The following KCNQ4 variants were observed in gnomAD, a reference collection of about 807,000 sequenced individuals.
KCNQ4 encodes potassium voltage-gated channel subfamily Q member 4, also known as potassium voltage-gated channel subfamily KQT member 4.
A neutral mutation model predicts 72.6 loss-of-function variants in KCNQ4; 31 were observed. That is an observed-to-expected ratio of 0.43 (90% confidence interval 0.32 to 0.58). KCNQ4 has a LOEUF of 0.58. Among genes scored for constraint, KCNQ4 ranks in the 20% least tolerant of loss-of-function variants. KCNQ4 has a pLI of 0.08. For missense variants in KCNQ4, 869 were observed against 962.6 expected, an observed-to-expected ratio of 0.90 and a Z score of 1.29; for synonymous variants, 405 against 403.7, an observed-to-expected ratio of 1.00 and a Z score of -0.04.
intron 9 of KCNQ4, among the ~76,000 whole-genome samples, chr1:40,829,678 G>A (rs568946441): frequency 4.6e-5 from 7 of 152,214 alleles, no homozygotes; most frequent in Admixed American, 2.0e-4. Context: ...TAGGTGACAC[G>A]GTGTCCTCCC....
In KCNQ4 at chr1:40,818,910, C is replaced by T. The variant is rs1014965875; in HGVS notation, c.708+230C>T. On this transcript the variant is annotated intron_variant, in intron 4 of 13. Coordinates refer to ENST00000347132, the MANE Select transcript of KCNQ4 (RefSeq NM_004700.4). ...TCCGGACCGGATCAGGGGGCGGGGC[C>T]GGAGAGGCGGGGCTTGAGGGTTTCC... 3.1e-5 allele frequency: 19 copies of T among 615,010 alleles called. No individual in the cohort carries two copies. The East Asian group carries it at 5.0e-4, about 16-fold the overall frequency. The allele number at this position is 615,010 out of a possible 1,614,324, so 38.1% of individuals were successfully genotyped here.
Position 40,838,629 on chromosome 1 carries a change from C to A in KCNQ4, c.*106C>A. ...TCTCGTACTTGAACTCACTCCCTCA[C>A]GGGGAGAGAGACCACACGCAGTATT... On this transcript the variant is annotated 3_prime_UTR_variant, in exon 14 of 14. Transcript: ENST00000347132. The A allele has an allele frequency of 1.9e-6, 2 of 1,066,118 alleles. No individual in the cohort carries two copies. Among genetic ancestry groups the A allele is most frequent in the African/African-American group, 1.6e-5 (1 of 63,712 alleles). The allele number at this position is 1,066,118 out of a possible 1,614,324, so 66.0% of individuals were successfully genotyped here.
chr1:40,795,117 C>A (rs1446211078), intron 1 of KCNQ4, among the ~76,000 whole-genome samples: 2 of 152,192 alleles, frequency 1.3e-5, no homozygotes, highest in Non-Finnish European at 2.9e-5. Flanking sequence ...GACCCAACCT[C>A]TCTGAGGCAC....
At chr1:40,816,237 TC>T (rs1648082465) in intron 1 of KCNQ4, among the ~76,000 whole-genome samples, 2 of 152,072 alleles carry the variant, frequency 1.3e-5, no homozygotes, top group South Asian at 2.1e-4. Context: ...CTCCGGAGTC[TC>T]CTCCAGGGTG....
chr1:40,835,126 A>G, intron 12 of KCNQ4, 28 bp downstream of exon 12: 1 of 1,607,428 alleles, frequency 6.2e-7, no homozygotes, highest in African/African-American at 1.3e-5. Context: ...GTTGGGAGGC[A>G]GGGGCAGGGA....
At chr1:40,807,983 G>A (rs1440034102) in intron 1 of KCNQ4, among the ~76,000 whole-genome samples, 1 of 151,586 alleles carries the variant, frequency 6.6e-6, no homozygotes, top group African/African-American at 2.4e-5. Context: ...AGCCAGGTGT[G>A]GTGGTCCCGG....
At chr1:40,810,381 T>C (rs1269138874) in intron 1 of KCNQ4, among the ~76,000 whole-genome samples, 1 of 152,226 alleles carries the variant, frequency 6.6e-6, no homozygotes, top group Non-Finnish European at 1.5e-5. Context: ...TTGAGTACAC[T>C]GTCATGGCCT....
chr1:40,835,688 C>G lies in KCNQ4; in HGVS notation c.1745+590C>G, dbSNP rs201160239. Among the ~76,000 whole-genome samples, 5 of 152,342 alleles carry G rather than the reference C, an allele frequency of 3.3e-5. No homozygotes were observed. The East Asian group carries it at 9.6e-4, about 29-fold the overall frequency. On this transcript the variant is annotated intron_variant, in intron 12 of 13. Coordinates refer to ENST00000347132, the MANE Select transcript of KCNQ4 (RefSeq NM_004700.4). ...CAGCAGAGTTCCCACACTTATGGAGCTTTCATTCTAGTGGAAGGAGAATAA... is the reference window on the plus strand; with the variant it reads ...CAGCAGAGTTCCCACACTTATGGAGGTTTCATTCTAGTGGAAGGAGAATAA...
chr1:40,828,975 G>A (rs527819756), intron 9 of KCNQ4, among the ~76,000 whole-genome samples: 28 of 152,330 alleles, frequency 1.8e-4, no homozygotes, highest in Middle Eastern at 3.4e-3. Context: ...AATCAGAGCT[G>A]GAAAGGGACC....
intron 12 of KCNQ4, among the ~76,000 whole-genome samples, chr1:40,835,893 C>G (rs1179326742): frequency 2.0e-5 from 3 of 152,010 alleles, no homozygotes; most frequent in Admixed American, 6.6e-5. Flanking sequence ...CAGCAGGGAG[C>G]CTGGTGTGGC....
At chr1:40,836,154 C>A (rs2148333397) in intron 12 of KCNQ4, among the ~76,000 whole-genome samples, 1 of 152,266 alleles carries the variant, frequency 6.6e-6, no homozygotes, top group Non-Finnish European at 1.5e-5. Context: ...CTTCAGACTT[C>A]CACGCATGAG....
rs35493687 is a variant in KCNQ4, at chr1:40,819,620, C to T, written c.834+148C>T. The T allele has an allele frequency of 3.0e-5, 32 of 1,051,780 alleles. 1 individual carries two copies. The South Asian group carries it at 4.5e-4, about 15-fold the overall frequency. The allele number at this position is 1,051,780 out of a possible 1,614,324, so 65.2% of individuals were successfully genotyped here. ...AGCTGGGACCCCCCTGAGACCAGCC[C>T]CAATGCTAACCCCCCAACCTGCTCT... On this transcript the variant is annotated intron_variant, in intron 5 of 13. Coordinates refer to ENST00000347132, the MANE Select transcript of KCNQ4 (RefSeq NM_004700.4).
chr1:40,831,130 CG>C lies in KCNQ4; in HGVS notation c.1341del (p.Arg448GlyfsTer48). On this transcript the variant is annotated frameshift_variant, in exon 10 of 14. Transcript: ENST00000347132. LOFTEE classifies it high-confidence loss of function. ...CCGCATCCGCATGGGCAGCTCCCAG[CG>C]GCGGACGGGTCCTTCCAAGCAGCAT... ...KDRIRMGSSQRRTGPSKQHLA... is the reference protein window; with the variant it reads ...KDRIRMGSSQXRTGPSKQHLA... 6.2e-7 allele frequency: 1 copy of C among 1,609,880 alleles called. No individual in the cohort carries two copies. The highest frequency in any genetic ancestry group is 1.3e-5 in the African/African-American group (1 of 74,974).
At position 40,838,455 on chromosome 1, in the gene KCNQ4, CACGAG is replaced by C; in HGVS notation, c.2021_2025del (p.His674ArgfsTer52). ...CTCCGACTACCACAGCCCTGTGGAC[CACGAG>C]GACATCTCCGTCTCCGCACAGACGC... On this transcript the variant is annotated frameshift_variant, in exon 14 of 14. Coordinates refer to ENST00000347132, the MANE Select transcript of KCNQ4 (RefSeq NM_004700.4). LOFTEE classifies it high-confidence loss of function. 1 of 1,614,156 alleles carries C rather than the reference CACGAG, an allele frequency of 6.2e-7. No individual in the cohort carries two copies. The highest frequency in any genetic ancestry group is 1.3e-5 in the African/African-American group (1 of 75,068).
Position 40,784,106 on chromosome 1 carries a change from C to A in KCNQ4, c.13C>A (p.Pro5Thr). 3.9e-6 allele frequency: 2 copies of A among 518,292 alleles called. No homozygotes were observed. Among genetic ancestry groups the A allele is most frequent in the South Asian group, 7.5e-5 (1 of 13,414 alleles). 32.1% of individuals were successfully genotyped at this position (518,292 alleles called of 1,614,324 possible). Residue 5 changes from proline to threonine, a missense_variant, in exon 1 of 14, where the codon CCC (proline) becomes ACC (threonine). By Grantham distance (38) the Pro-to-Thr change is conservative (BLOSUM62 -1). Coordinates refer to ENST00000347132, the MANE Select transcript of KCNQ4 (RefSeq NM_004700.4). This position sits in a 1 kb window ranked among gnomAD's most constrained non-coding sequence, Gnocchi z 4.1. ...CCCGGCGCCGCCCATGGCCGAGGCC[C>A]CCCCGCGCCGCCTCGGCCTGGGTCC... is the stretch of plus-strand genomic sequence containing the variant. MAEA[P>T]PRRLGLGPPP...
At chr1:40,814,046 CTTTTTTTT>C (rs35243800) in intron 1 of KCNQ4, among the ~76,000 whole-genome samples, 6 of 52,708 alleles carry the variant, frequency 1.1e-4, no homozygotes, top group Middle Eastern at 0.025. Context: ...TGCGCCCGGC[CTTTTTTTT>C]TTTTTTTTTT....
rs1647182713 is a variant in KCNQ4, at chr1:40,784,325, A to C, written c.232A>C (p.Lys78Gln). Residue 78 changes from lysine to glutamine, a missense_variant, in exon 1 of 14, where the codon AAG (lysine) becomes CAG (glutamine). This residue lies in a region of KCNQ4 where 178 missense variants were observed against 145.3 expected (regional missense o/e 1.22). Transcript: ENST00000347132. The surrounding 1 kb of genome is among the most constrained non-coding windows in gnomAD (Gnocchi z 4.1). Reference protein sequence around the residue: ...ACGQRSSAAHKRYRRLQNWVY... With the variant: ...ACGQRSSAAHQRYRRLQNWVY... ...CGGCCAGCGCTCCTCGGCCGCGCAC[A>C]AGCGCTACCGCCGCCTGCAGAACTG... 1 of 1,607,800 alleles carries C rather than the reference A, an allele frequency of 6.2e-7. No homozygotes were observed.
intron 1 of KCNQ4, among the ~76,000 whole-genome samples, chr1:40,809,660 T>C (rs1230132594): frequency 6.6e-6 from 1 of 152,214 alleles, no homozygotes; most frequent in African/African-American, 2.4e-5. Context: ...GTCTGAGCTA[T>C]TGTGGAGCTT....
In KCNQ4 at chr1:40,838,724, T is replaced by C; in HGVS notation, c.*201T>C. On this transcript the variant is annotated 3_prime_UTR_variant, in exon 14 of 14. Coordinates refer to ENST00000347132, the MANE Select transcript of KCNQ4 (RefSeq NM_004700.4). ...CCTTCCCCACCTCAGGAGCGTGAGATGCCAGGTCGCACAGAGGGCAGCAGC... is the reference window on the plus strand; with the variant it reads ...CCTTCCCCACCTCAGGAGCGTGAGACGCCAGGTCGCACAGAGGGCAGCAGC... The C allele has an allele frequency of 1.6e-6, 1 of 627,622 alleles. No homozygotes were observed. The highest frequency in any genetic ancestry group is 2.9e-6 in the Non-Finnish European group (1 of 350,262). The allele number at this position is 627,622 out of a possible 1,614,324, so 38.9% of individuals were successfully genotyped here.
Sources: gnomAD v4.1 joint callset for allele counts (sites outside exome capture counted in the v4.1 genomes callset) on GRCh38, gnomAD v4.1.1 for gene constraint, gnomAD v4.1.1 regional missense constraint, Gnocchi (gnomAD v3.1) non-coding constraint, MANE v1.5 for transcripts, NCBI Gene and HGNC (gene_info 2026-07-23, HGNC 2026-07-21) for gene names.